OTUD7B: variants seen among roughly 807,000 people sequenced by gnomAD.
OTUD7B encodes OTU domain-containing protein 7B.
In OTUD7B, 34 loss-of-function variants were observed where a neutral mutation model predicts 82.2. The ratio of observed to expected loss-of-function variants is 0.41; its 90% confidence interval spans 0.31 to 0.55. The LOEUF (loss-of-function observed/expected upper bound fraction) is 0.55. Among genes scored for constraint, OTUD7B ranks in the 20% least tolerant of loss-of-function variants. The probability of loss-of-function intolerance (pLI) is 0.20; values close to 1 mark genes in which losing one functional copy is unlikely to be tolerated. For missense variants in OTUD7B, 944 were observed against 1,062.1 expected (o/e 0.89, Z 1.55); for synonymous variants, 398 against 402.7 (o/e 0.99, Z 0.14).
chr1:149,960,584 A>G (rs190149990), intron 6 of OTUD7B, among the ~76,000 whole-genome samples: 179 of 151,008 alleles, frequency 1.2e-3, no homozygotes, highest in African/African-American at 4.2e-3. Flanking sequence ...GGCTTTCCCC[A>G]TGTTGGCCAG....
At chr1:150,061,564 A>G in the OTUD7B span, among the ~76,000 whole-genome samples, 5 of 152,272 alleles carry the variant, frequency 3.3e-5, no homozygotes, top group Admixed American at 2.6e-4. Flanking sequence ...ACGATTTCCA[A>G]TTCCTTTCAT....
At chr1:150,051,248 A>AAC in the OTUD7B span, among the ~76,000 whole-genome samples, 4 of 150,872 alleles carry the variant, frequency 2.7e-5, 1 homozygote, top group Admixed American at 2.6e-4. Flanking sequence ...AAAAAAAAAA[A>AAC]ACCACCAACA....
chr1:150,041,834 G>C, the OTUD7B span, among the ~76,000 whole-genome samples: 1 of 152,132 alleles, frequency 6.6e-6, no homozygotes, highest in East Asian at 1.9e-4. Context: ...TAAAAGAGTT[G>C]TTTGTAATGT....
At chr1:149,953,407 ATC>A (rs1648417077) in intron 7 of OTUD7B, among the ~76,000 whole-genome samples, 1 of 152,084 alleles carries the variant, frequency 6.6e-6, no homozygotes, top group African/African-American at 2.4e-5. Context: ...ATTGGTCTAT[ATC>A]TCTGTTTTGG....
At position 149,970,957 on chromosome 1, in the gene OTUD7B, G is replaced by C. The variant is rs587693135; in HGVS notation, c.274+106C>G. On this transcript the variant is annotated intron_variant, in intron 3 of 11. Coordinates refer to ENST00000581312, the MANE Select transcript of OTUD7B (RefSeq NM_020205.4). ...CAGTCTGGGTTTGGCTGGGAGAAGG[G>C]GAAGAAATGGAATCACCTCCAATGG... 4.2e-5 allele frequency: 45 copies of C among 1,079,362 alleles called. No homozygotes were observed. The Admixed American group carries it at 1.2e-3, about 28-fold the overall frequency. 66.9% of individuals were successfully genotyped at this position (1,079,362 alleles called of 1,614,324 possible). A position where few individuals can be genotyped will look rare whatever the true frequency, so the allele number is the denominator to read the frequency against.
intron 9 of OTUD7B, 142 bp downstream of exon 9, chr1:149,949,486 TG>T: frequency 1.2e-6 from 1 of 834,438 alleles, no homozygotes. Flanking sequence ...TTGAAAACTC[TG>T]GCGTAACTTC....
the OTUD7B span, among the ~76,000 whole-genome samples, chr1:150,029,432 G>C: frequency 2.6e-5 from 4 of 152,172 alleles, no homozygotes; most frequent in African/African-American, 9.7e-5. Flanking sequence ...TTGATACTTA[G>C]AAGACTTATG....
At chr1:150,067,649 G>A in the OTUD7B span, 2 of 543,474 alleles carry the variant, frequency 3.7e-6, no homozygotes, top group Non-Finnish European at 3.3e-6. Context: ...GGCCCAGGCC[G>A]TCTCAGCCGG....
At chr1:150,013,788 G>A (rs1653171029), upstream of OTUD7B, among the ~76,000 whole-genome samples, 1 of 150,936 alleles carries the variant, frequency 6.6e-6, no homozygotes. Context: ...CAGGCGAGGT[G>A]GCGGGCGCCT....
intron 10 of OTUD7B, among the ~76,000 whole-genome samples, chr1:149,947,775 C>T (rs1197092829): frequency 2.0e-5 from 3 of 151,974 alleles, no homozygotes; most frequent in Admixed American, 6.6e-5. Flanking sequence ...TGGCAGGAGC[C>T]CAGAGAGTGA....
At chr1:150,037,709 C>A in the OTUD7B span, among the ~76,000 whole-genome samples, 1 of 152,082 alleles carries the variant, frequency 6.6e-6, no homozygotes, top group South Asian at 2.1e-4. Flanking sequence ...CATGCCTCAG[C>A]CTCCCGCGTA....
chr1:150,040,112 G>C, the OTUD7B span, among the ~76,000 whole-genome samples: 2 of 152,180 alleles, frequency 1.3e-5, no homozygotes, highest in Non-Finnish European at 2.9e-5. Flanking sequence ...TTTTTAAATA[G>C]ATAGCCTACA....
chr1:149,944,571 C>G lies in OTUD7B; in HGVS notation c.1818G>C (p.Glu606Asp), dbSNP rs1553771502. 6.2e-7 allele frequency: 1 copy of G among 1,614,128 alleles called. No homozygotes were observed. The highest frequency in any genetic ancestry group is 1.7e-5 in the Admixed American group (1 of 60,016). ...GGGTTCCAACAAAAATAAACTTCCC[C>G]TCCCCTTGCATGGCAGTCCTCAGAA... The part of the protein sequence containing the change: ...LSILRTAMQG[E>D]GKFIFVGTLK... The change falls in exon 12 of 12, where the codon GAG becomes GAC. Residue 606 changes from glutamate to aspartate, a missense_variant. This residue lies in a region of OTUD7B where 412 missense variants were observed against 418.7 expected (regional missense o/e 0.98). Coordinates refer to ENST00000581312, the MANE Select transcript of OTUD7B (RefSeq NM_020205.4).
the OTUD7B span, among the ~76,000 whole-genome samples, chr1:150,048,210 C>T: frequency 9.5e-4 from 145 of 152,124 alleles, 1 homozygote; most frequent in Admixed American, 1.6e-3. Context: ...ACCCTTCCAC[C>T]AGAAGTTAAA....
rs1230232133 is a variant in OTUD7B at position 149,964,356 on chromosome 1, C to CA, written c.605-8dup. On this transcript the variant is annotated splice_polypyrimidine_tract_variant and splice_region_variant and intron_variant, in intron 5 of 11. Coordinates refer to ENST00000581312, the MANE Select transcript of OTUD7B (RefSeq NM_020205.4). ...TCATGGAAACCCCACATTCCTGTGG[C>CA]AAAAAAGCATAATGGTAAGATACCT... 9.3e-6 allele frequency: 15 copies of CA among 1,606,422 alleles called. No homozygotes were observed. In the Admixed American group the frequency reaches 1.9e-4, roughly 20 times the overall value.
intron 3 of OTUD7B, among the ~76,000 whole-genome samples, chr1:149,968,726 T>C (rs1235951485): frequency 2.0e-5 from 3 of 152,206 alleles, no homozygotes; most frequent in African/African-American, 7.2e-5. Flanking sequence ...GTTTTTGTTC[T>C]TTGAGACAGA....
chr1:150,051,459 C>T, the OTUD7B span, among the ~76,000 whole-genome samples: 1 of 151,874 alleles, frequency 6.6e-6, no homozygotes, highest in Non-Finnish European at 1.5e-5. Flanking sequence ...CTTTATTTAA[C>T]ATGTCATTGT....
At chr1:150,031,375 T>G in the OTUD7B span, among the ~76,000 whole-genome samples, 74 of 152,262 alleles carry the variant, frequency 4.9e-4, no homozygotes, top group African/African-American at 1.8e-3. Context: ...GCCATAAAAT[T>G]TACCTGTCCT....
At chr1:150,004,618 A>G (rs1161253531) in intron 1 of OTUD7B, among the ~76,000 whole-genome samples, 1 of 151,020 alleles carries the variant, frequency 6.6e-6, no homozygotes, top group Non-Finnish European at 1.5e-5. Flanking sequence ...TTTTATATAT[A>G]TATATAAACT....
Sources: gnomAD v4.1 joint callset for allele counts (sites outside exome capture counted in the v4.1 genomes callset) on GRCh38, gnomAD v4.1.1 for gene constraint, gnomAD v4.1.1 regional missense constraint, MANE v1.5 for transcripts, NCBI Gene and HGNC (gene_info 2026-07-23, HGNC 2026-07-21) for gene names.